The following CNTNAP5 variants were observed in gnomAD, a reference collection of about 807,000 sequenced individuals.
The protein encoded by CNTNAP5 is contactin associated protein family member 5, also known as contactin-associated protein-like 5.
Under a neutral mutation model 150.2 loss-of-function variants are expected in CNTNAP5, and 72 were observed. That is an observed-to-expected ratio of 0.48 (90% CI 0.40 to 0.58). CNTNAP5 has a LOEUF of 0.58. Ranked by LOEUF, CNTNAP5 falls within the 20% of genes least tolerant of loss-of-function variation. CNTNAP5 has a pLI of 0.00. For synonymous variants in CNTNAP5, 672 were observed against 619.8 expected (o/e 1.08, Z -1.25); for missense variants, 1,636 against 1,626.2 (o/e 1.01, Z -0.10).
intron 3 of CNTNAP5, among the ~76,000 whole-genome samples, chr2:124,406,261 G>T (rs577953968): frequency 4.6e-5 from 7 of 152,162 alleles, no homozygotes; most frequent in Non-Finnish European, 8.8e-5. Flanking sequence ...GTACTGTGTG[G>T]ACTTTAAACT....
At chr2:124,283,234 A>C (rs559472978) in intron 3 of CNTNAP5, among the ~76,000 whole-genome samples, 2 of 152,198 alleles carry the variant, frequency 1.3e-5, no homozygotes, top group Admixed American at 1.3e-4. Flanking sequence ...GCTGGAGAGC[A>C]TTTTCCCCTC....
intron 10 of CNTNAP5, among the ~76,000 whole-genome samples, chr2:124,547,876 G>T (rs1236955314): frequency 2.0e-5 from 3 of 152,180 alleles, no homozygotes; most frequent in Non-Finnish European, 4.4e-5. Context: ...CAACCTGGTT[G>T]TATTCAAGCC....
intron 14 of CNTNAP5, among the ~76,000 whole-genome samples, chr2:124,748,752 A>G (rs1680660063): frequency 6.6e-6 from 1 of 152,156 alleles, no homozygotes; most frequent in Admixed American, 6.5e-5. Flanking sequence ...GTGTATTATC[A>G]CTTCAGAACA....
chr2:124,599,587 G>A (rs186652751), intron 11 of CNTNAP5, among the ~76,000 whole-genome samples: 134 of 152,292 alleles, frequency 8.8e-4, no homozygotes, highest in African/African-American at 3.2e-3. Context: ...AACAAATGTG[G>A]AAGATGGGAA....
At chr2:124,112,271 G>A (rs1006651614) in intron 1 of CNTNAP5, among the ~76,000 whole-genome samples, 1 of 152,040 alleles carries the variant, frequency 6.6e-6, no homozygotes, top group East Asian at 1.9e-4. Flanking sequence ...CTTCCCTCAG[G>A]TTCCCCCTGA....
At chr2:124,786,812 A>G (rs1681608917) in intron 17 of CNTNAP5, among the ~76,000 whole-genome samples, 2 of 152,188 alleles carry the variant, frequency 1.3e-5, no homozygotes, top group Admixed American at 1.3e-4. Flanking sequence ...CTCTACACAT[A>G]GTAGGTAAAA....
intron 1 of CNTNAP5, among the ~76,000 whole-genome samples, chr2:124,039,168 T>G (rs1005440019): frequency 1.3e-5 from 2 of 152,214 alleles, no homozygotes; most frequent in South Asian, 4.1e-4. Flanking sequence ...TATCCTTAGT[T>G]TGTGGTTAAT....
chr2:124,269,389 G>A (rs968457085), intron 3 of CNTNAP5, among the ~76,000 whole-genome samples: 9 of 152,188 alleles, frequency 5.9e-5, no homozygotes, highest in African/African-American at 2.2e-4. Context: ...TTTCTTTGGG[G>A]TCTTGTTGAA....
At chr2:124,237,942 C>T (rs2104761567) in intron 2 of CNTNAP5, among the ~76,000 whole-genome samples, 1 of 152,260 alleles carries the variant, frequency 6.6e-6, no homozygotes, top group Non-Finnish European at 1.5e-5. Flanking sequence ...CTATTGAAAC[C>T]TCAGGCAGGG....
intron 12 of CNTNAP5, among the ~76,000 whole-genome samples, chr2:124,626,821 C>T (rs1369501758): frequency 6.6e-6 from 1 of 152,124 alleles, no homozygotes; most frequent in African/African-American, 2.4e-5. Context: ...GAAATCCCCG[C>T]TGCCAGCACA....
chr2:124,594,658 T>C (rs1376345474), intron 11 of CNTNAP5, among the ~76,000 whole-genome samples: 1 of 141,420 alleles, frequency 7.1e-6, no homozygotes, highest in Non-Finnish European at 1.5e-5. Context: ...AAGTAGTTTT[T>C]TCCAATTCTG....
intron 13 of CNTNAP5, among the ~76,000 whole-genome samples, chr2:124,667,179 T>G (rs2105052474): frequency 6.6e-6 from 1 of 152,322 alleles, no homozygotes; most frequent in South Asian, 2.1e-4. Flanking sequence ...GCATGCAATT[T>G]GAATGCACCT....
At chr2:124,604,639 G>T (rs1351326399) in intron 11 of CNTNAP5, among the ~76,000 whole-genome samples, 1 of 152,140 alleles carries the variant, frequency 6.6e-6, no homozygotes, top group African/African-American at 2.4e-5. Flanking sequence ...ATCAGGAAGG[G>T]ATGATAGCAT....
At chr2:124,656,812 A>G (rs1378006503) in intron 13 of CNTNAP5, among the ~76,000 whole-genome samples, 1 of 152,196 alleles carries the variant, frequency 6.6e-6, no homozygotes, top group East Asian at 1.9e-4. Flanking sequence ...TCAAGGATAA[A>G]GGAATGCACA....
intron 13 of CNTNAP5, among the ~76,000 whole-genome samples, chr2:124,719,661 C>CT (rs1215249911): frequency 6.6e-6 from 1 of 152,146 alleles, no homozygotes; most frequent in East Asian, 1.9e-4. Context: ...CTATTTTATA[C>CT]TTTCTCTGTT....
At chr2:124,187,088 C>CAATAA (rs1371698599) in intron 1 of CNTNAP5, among the ~76,000 whole-genome samples, 5 of 151,976 alleles carry the variant, frequency 3.3e-5, no homozygotes, top group African/African-American at 1.2e-4. Flanking sequence ...ACATACAGTA[C>CAATAA]AATAACAGCT....
At chr2:124,719,142 ACTTTGTATTAATTGTGC>A (rs1346327567) in intron 13 of CNTNAP5, among the ~76,000 whole-genome samples, 1 of 152,066 alleles carries the variant, frequency 6.6e-6, no homozygotes, top group Non-Finnish European at 1.5e-5. Context: ...TTTTCCTTAT[ACTTTGTATTAATTGTGC>A]AACCCTCTTG....
chr2:124,532,235 C>T (rs1423418447), intron 10 of CNTNAP5, among the ~76,000 whole-genome samples: 1 of 152,092 alleles, frequency 6.6e-6, no homozygotes, highest in South Asian at 2.1e-4. Flanking sequence ...AAGTTTTTTT[C>T]TTTTCTCATG....
At chr2:124,093,723 G>A (rs1293223148) in intron 1 of CNTNAP5, among the ~76,000 whole-genome samples, 3 of 152,068 alleles carry the variant, frequency 2.0e-5, no homozygotes, top group South Asian at 2.1e-4. Context: ...CTTCATACTT[G>A]GGTATAAGAT....
Sources: gnomAD v4.1 joint callset for allele counts (sites outside exome capture counted in the v4.1 genomes callset) on GRCh38, gnomAD v4.1.1 for gene constraint, MANE v1.5 for transcripts, NCBI Gene and HGNC (gene_info 2026-07-23, HGNC 2026-07-21) for gene names.